Variants in SLC12A5 observed in about 807,000 individuals in gnomAD.
SLC12A5 encodes the protein K-Cl cotransporter 2.
Under a neutral mutation model 124.0 loss-of-function variants are expected in SLC12A5, and 18 were observed. The observed-to-expected ratio is 0.15, with a 90% confidence interval of 0.10 to 0.22. SLC12A5 has a LOEUF of 0.22. Ranked by LOEUF, SLC12A5 falls within the 10% of genes least tolerant of loss-of-function variation. The pLI is 1.00. For missense variants in SLC12A5, 867 were observed against 1,478.7 expected (o/e 0.59, Z 6.78); for synonymous variants, 589 against 568.0 (o/e 1.04, Z -0.53).
intron 1 of SLC12A5, chr20:46,021,981 C>G: frequency 2.9e-6 from 3 of 1,047,632 alleles, no homozygotes; most frequent in Non-Finnish European, 3.8e-6. Flanking sequence ...GGGCCAAGAC[C>G]GGGGGCGGGG....
At chr20:46,044,334 A>T (rs981716160) in intron 11 of SLC12A5, among the ~76,000 whole-genome samples, 2 of 152,124 alleles carry the variant, frequency 1.3e-5, no homozygotes, top group Non-Finnish European at 2.9e-5. Context: ...GTGGGTCTAT[A>T]CTGGCCAACA....
chr20:46,045,734 T>C lies in SLC12A5; in HGVS notation c.1570-144T>C, dbSNP rs1600599184. ...GAAAGCCTGTTATCCATTTGCATTC[T>C]CCTGGAGGAAGAGAAATGCATCCTC... On this transcript the variant is annotated intron_variant, in intron 12 of 25. Coordinates refer to ENST00000243964, the MANE Select transcript of SLC12A5 (RefSeq NM_020708.5). This position sits in a 1 kb window ranked among gnomAD's most constrained non-coding sequence, Gnocchi z 4.9. 7.6e-6 allele frequency: 5 copies of C among 655,572 alleles called. No homozygotes were observed. The highest frequency in any genetic ancestry group is 5.5e-5 in the East Asian group (2 of 36,690). 40.6% of individuals were successfully genotyped at this position (655,572 alleles called of 1,614,324 possible). A position where few individuals can be genotyped will look rare whatever the true frequency, so the allele number is the denominator to read the frequency against.
At chr20:46,034,874 C>A in intron 1 of SLC12A5, 74 bp from the exon 2 acceptor site, 1 of 1,345,696 alleles carries the variant, frequency 7.4e-7, no homozygotes, top group Non-Finnish European at 1.1e-6. Context: ...GCTACTGTGG[C>A]TACACCACTG....
intron 4 of SLC12A5, 185 bp downstream of exon 4, chr20:46,036,108 T>C: frequency 1.5e-6 from 1 of 652,044 alleles, no homozygotes; most frequent in Non-Finnish European, 2.4e-6. Flanking sequence ...CCTTGATGGC[T>C]GTTAACCAGG....
chr20:46,051,629 G>A (rs958874105), intron 17 of SLC12A5, 46 bp from the exon 18 acceptor site: 15 of 1,566,974 alleles, frequency 9.6e-6, no homozygotes, highest in Non-Finnish European at 1.1e-5. Context: ...CCCAGCCAGG[G>A]CCAGGGAGGC....
In SLC12A5 at chr20:46,035,795, T is replaced by A. The variant is rs1396711146; in HGVS notation, c.298T>A (p.Phe100Ile). ...CTGGCAGGCCCCACGCATGGGCACC[T>A]TCATGGGCGTGTACCTGCCGTGCCT... ...KPVQAPRMGT[F>I]MGVYLPCLQN... Residue 100 changes from phenylalanine (F) to isoleucine (I), a missense_variant, in exon 4 of 26, where the codon TTC becomes ATC. Phe to Ile is a conservative substitution (Grantham distance 21). Coordinates refer to ENST00000243964, the MANE Select transcript of SLC12A5 (RefSeq NM_020708.5). 1 of 1,613,706 alleles carries A rather than the reference T, an allele frequency of 6.2e-7. No individual in the cohort carries two copies. The highest frequency in any genetic ancestry group is 1.7e-5 in the Admixed American group (1 of 60,002).
At chr20:46,022,020 G>GA in intron 1 of SLC12A5, 1 of 1,083,552 alleles carries the variant, frequency 9.2e-7, no homozygotes, top group South Asian at 1.9e-5. Context: ...CCTGAGAGGG[G>GA]AATGGAGCCA....
At chr20:46,021,981 CG>C in intron 1 of SLC12A5, 1 of 1,047,630 alleles carries the variant, frequency 9.5e-7, no homozygotes, top group Non-Finnish European at 1.3e-6. Flanking sequence ...GGGCCAAGAC[CG>C]GGGGCGGGGA....
rs375769769 is a variant in SLC12A5 at position 46,035,385 on chromosome 20, T to C, written c.148-19T>C. Reference sequence around the variant, plus strand: ...ACTTGCTCCCCCAGCCTCCTAGCACTGACACCCTCCCTCCATAGGAGGAGA... The same window carrying C: ...ACTTGCTCCCCCAGCCTCCTAGCACCGACACCCTCCCTCCATAGGAGGAGA... On this transcript the variant is annotated intron_variant, in intron 2 of 25. Coordinates refer to ENST00000243964, the MANE Select transcript of SLC12A5 (RefSeq NM_020708.5). The C allele has an allele frequency of 6.2e-7, 1 of 1,606,122 alleles. No homozygotes were observed. Among genetic ancestry groups the C allele is most frequent in the Non-Finnish European group, 8.5e-7 (1 of 1,175,284 alleles).
Position 46,045,838 on chromosome 20 carries a change from C to A in SLC12A5, c.1570-40C>A. 2 of 1,562,694 alleles carry A rather than the reference C, an allele frequency of 1.3e-6. No homozygotes were observed. Among genetic ancestry groups the A allele is most frequent in the Non-Finnish European group, 1.8e-6 (2 of 1,135,042 alleles). On this transcript the variant is annotated intron_variant, in intron 12 of 25. Transcript: ENST00000243964. The surrounding 1 kb of genome is among the most constrained non-coding windows in gnomAD (Gnocchi z 4.9). ...AGGCTAGGGGAGAGGGCTGAGAAAT[C>A]CTTGAGGTCTCAGTCCCATGATGAT...
At chr20:46,039,216 T>C (rs1452285991) in intron 6 of SLC12A5, among the ~76,000 whole-genome samples, 1 of 152,210 alleles carries the variant, frequency 6.6e-6, no homozygotes, top group Non-Finnish European at 1.5e-5. Context: ...CTTGGAAGAA[T>C]GTAAACGTTA....
chr20:46,043,566 CT>C, intron 9 of SLC12A5, 66 bp from the exon 10 acceptor site: 2 of 1,541,304 alleles, frequency 1.3e-6, no homozygotes, highest in Non-Finnish European at 8.9e-7. Flanking sequence ...GGGTGGTGCC[CT>C]TTTTTCTCAT....
Position 46,053,900 on chromosome 20 carries a change from T to C in SLC12A5, c.2679+191T>C, listed in dbSNP as rs3901163. On this transcript the variant is annotated intron_variant, in intron 20 of 25. Coordinates refer to ENST00000243964, the MANE Select transcript of SLC12A5 (RefSeq NM_020708.5). The surrounding 1 kb of genome is among the most constrained non-coding windows in gnomAD (Gnocchi z 4.7). ...AAAAGTAGCCATGTCTAGTGCTTAT[T>C]ATATGCCAGGCACTGTTCTATGCAC... Among the ~76,000 whole-genome samples the C allele has an allele frequency of 0.031, 4,719 of 152,334 alleles. 164 individuals are homozygous for C. The highest frequency in any genetic ancestry group is 0.11 in the Admixed American group (1,666 of 15,296).
rs2084483089 is a variant in SLC12A5 at position 46,034,878 on chromosome 20, A to C, written c.53-70A>C. 2.9e-6 allele frequency: 4 copies of C among 1,398,092 alleles called. No homozygotes were observed. The East Asian group carries it at 9.1e-5, about 32-fold the overall frequency. The allele number at this position is 1,398,092 out of a possible 1,614,324, so 86.6% of individuals were successfully genotyped here. A position where few individuals can be genotyped will look rare whatever the true frequency, so the allele number is the denominator to read the frequency against. ...AGATTCAGAGGGCTACTGTGGCTAC[A>C]CCACTGTATGCCCAGGTGGTTGGAC... On this transcript the variant is annotated intron_variant, in intron 1 of 25. Coordinates refer to ENST00000243964, the MANE Select transcript of SLC12A5 (RefSeq NM_020708.5).
intron 21 of SLC12A5, among the ~76,000 whole-genome samples, chr20:46,055,426 G>A (rs2084680712): frequency 6.6e-6 from 1 of 152,166 alleles, no homozygotes; most frequent in African/African-American, 2.4e-5. Flanking sequence ...ACTGATGTGT[G>A]GGAGTTAGGG....
rs766120516 is a variant in SLC12A5, at chr20:46,051,779, C to T, written c.2286C>T (p.Gly762=). Residue 762 remains glycine (G), a synonymous_variant, in exon 18 of 26, where the codon GGC becomes GGT. Transcript: ENST00000243964. ...TGTCCCATCTGATCCAGTCCGGGGG[C>T]CTCGGGGGGCTGCAGCACAACACTG... ...DGVSHLIQSG[G]LGGLQHNTVL... 9.3e-6 allele frequency: 15 copies of T among 1,608,932 alleles called. No homozygotes were observed. Among genetic ancestry groups the T allele is most frequent in the South Asian group, 1.1e-5 (1 of 90,336 alleles).
Position 46,046,431 on chromosome 20 carries a change from C to T in SLC12A5, c.1782C>T (p.Tyr594=). ...TPNWRPRFRY[Y]HWTLSFLGMS... ...ACTGGAGGCCACGCTTTCGATATTA[C>T]CACTGGTGGGTGCTCTGTCCCCACA... The change falls in exon 14 of 26, where the codon TAC becomes TAT. Residue 594 remains tyrosine (Y), a synonymous_variant. Coordinates refer to ENST00000243964, the MANE Select transcript of SLC12A5 (RefSeq NM_020708.5). The T allele has an allele frequency of 1.2e-6, 2 of 1,614,008 alleles. No individual in the cohort carries two copies. Among genetic ancestry groups the T allele is most frequent in the South Asian group, 2.2e-5 (2 of 91,072 alleles).
At chr20:46,032,605 G>A (rs7272980) in intron 1 of SLC12A5, among the ~76,000 whole-genome samples, 8,546 of 152,280 alleles carry the variant, frequency 0.056, 767 homozygotes, top group African/African-American at 0.19. Context: ...AGCTTGGTTA[G>A]TATCCCTTTG....
intron 18 of SLC12A5, 132 bp from the exon 19 acceptor site, chr20:46,052,825 C>T: frequency 1.0e-6 from 1 of 956,388 alleles, no homozygotes; most frequent in East Asian, 2.7e-5. Context: ...TTTCTGACCA[C>T]TCAGCCCATG....
Sources: gnomAD v4.1 joint callset for allele counts (sites outside exome capture counted in the v4.1 genomes callset) on GRCh38, gnomAD v4.1.1 for gene constraint, Gnocchi (gnomAD v3.1) non-coding constraint, MANE v1.5 for transcripts, NCBI Gene and HGNC (gene_info 2026-07-23, HGNC 2026-07-21) for gene names.